Variants in ZDHHC7 observed in about 807,000 individuals in gnomAD.
ZDHHC7 encodes palmitoyltransferase ZDHHC7.
In ZDHHC7, 12 loss-of-function variants were observed where a neutral mutation model predicts 34.1. That is an observed-to-expected ratio of 0.35 (90% CI 0.23 to 0.57). ZDHHC7 has a LOEUF of 0.57. ZDHHC7 is among the 20% of genes least tolerant of loss of function. The pLI is 0.84. For synonymous variants in ZDHHC7, 185 were observed against 155.4 expected, an observed-to-expected ratio of 1.19 and a Z score of -1.42; for missense variants, 388 against 402.7, an observed-to-expected ratio of 0.96 and a Z score of 0.31.
chr16:85,023,594 T>G, the ZDHHC7 span, among the ~76,000 whole-genome samples: 1 of 152,142 alleles, frequency 6.6e-6, no homozygotes, highest in African/African-American at 2.4e-5. Context: ...TAGTTGTATT[T>G]TGGACTCATC....
the ZDHHC7 span, among the ~76,000 whole-genome samples, chr16:85,019,080 C>T: frequency 2.0e-5 from 3 of 152,188 alleles, no homozygotes; most frequent in East Asian, 1.9e-4. Context: ...GAGTGCCAAG[C>T]GTGACCAAGG....
chr16:84,975,290 TC>T lies in ZDHHC7; in HGVS notation c.*1052del, dbSNP rs1332073797. On this transcript the variant is annotated 3_prime_UTR_variant, in exon 8 of 8. Coordinates refer to ENST00000313732, the MANE Select transcript of ZDHHC7 (RefSeq NM_017740.3). ...AGGGGCTGGCTGCCTCATGGTCCCC[TC>T]CCCTTCCCAGAGGTGCCCAATGGCT... 1 of 152,520 alleles carries T rather than the reference TC, an allele frequency of 6.6e-6. No homozygotes were observed. Among genetic ancestry groups the T allele is most frequent in the Non-Finnish European group, 1.5e-5 (1 of 68,052 alleles). The allele number at this position is 152,520 out of a possible 1,614,324, so 9.4% of individuals were successfully genotyped here. A position where few individuals can be genotyped will look rare whatever the true frequency, so the allele number is the denominator to read the frequency against.
chr16:85,026,076 G>C, the ZDHHC7 span, among the ~76,000 whole-genome samples: 3 of 152,190 alleles, frequency 2.0e-5, no homozygotes, highest in Admixed American at 1.3e-4. Flanking sequence ...ACGAAGTCAG[G>C]AGAGGGTCTG....
Position 84,989,814 on chromosome 16 carries a change from C to T in ZDHHC7, c.315+490G>A, listed in dbSNP as rs145080972. 1.2e-4 allele frequency among the ~76,000 whole-genome samples: 18 copies of T among 151,928 alleles called. No individual in the cohort carries two copies. The East Asian group carries it at 3.5e-3, about 29-fold the overall frequency. ...AATTGACAAATTGGGAGTCCCTATA[C>T]CATGGTTTAAAACCACTGTTTTAAA... is the stretch of plus-strand genomic sequence containing the variant. On this transcript the variant is annotated intron_variant, in intron 3 of 7. Transcript: ENST00000313732.
chr16:84,984,523 T>C (rs764623837), intron 3 of ZDHHC7, among the ~76,000 whole-genome samples: 1 of 152,180 alleles, frequency 6.6e-6, no homozygotes, highest in Non-Finnish European at 1.5e-5. Flanking sequence ...GCAGCAAATA[T>C]GATACGATGT....
chr16:85,005,253 C>T (rs9921417), intron 1 of ZDHHC7, among the ~76,000 whole-genome samples: 51,008 of 152,078 alleles, frequency 0.34, 9,525 homozygotes, highest in African/African-American at 0.5. Context: ...TAGAGTTTCC[C>T]TGTTTAATAC....
At chr16:84,987,312 G>A (rs544305484) in intron 3 of ZDHHC7, among the ~76,000 whole-genome samples, 3 of 152,220 alleles carry the variant, frequency 2.0e-5, no homozygotes, top group Non-Finnish European at 4.4e-5. Context: ...GCTCAACATC[G>A]TTGGTCATTA....
chr16:85,013,384 A>G (rs2143779935), upstream of ZDHHC7, among the ~76,000 whole-genome samples: 1 of 152,186 alleles, frequency 6.6e-6, no homozygotes, highest in East Asian at 1.9e-4. Context: ...CTGGAATTAC[A>G]GGGGCCCGCC....
chr16:84,977,300 T>C, intron 6 of ZDHHC7, 75 bp from the exon 7 acceptor site: 1 of 1,574,466 alleles, frequency 6.4e-7, no homozygotes, highest in Non-Finnish European at 8.6e-7. Context: ...CAGAGAAGAA[T>C]CCTCTAGGGC....
Position 84,990,583 on chromosome 16 carries a change from C to T in ZDHHC7, c.36G>A (p.Glu12=). Residue 12 remains glutamate (E), a synonymous_variant, in exon 3 of 8, where the codon GAG becomes GAA. Transcript: ENST00000313732. ...CATTTTCAGCCAGGAGAGGATGATG[C>T]TCGACGTCCCGGAGCCTGTGTCCTG... The part of the protein sequence containing the change: ...QPSGHRLRDV[E]HHPLLAENDN... The T allele has an allele frequency of 6.2e-7, 1 of 1,614,026 alleles. No homozygotes were observed. Among genetic ancestry groups the T allele is most frequent in the Non-Finnish European group, 8.5e-7 (1 of 1,180,036 alleles).
At chr16:84,992,569 G>C (rs1415404747) in intron 2 of ZDHHC7, among the ~76,000 whole-genome samples, 1 of 152,182 alleles carries the variant, frequency 6.6e-6, no homozygotes, top group Non-Finnish European at 1.5e-5. Context: ...TCTGAGAGTT[G>C]TAATATCACA....
chr16:84,979,419 C>G (rs1947088561), intron 4 of ZDHHC7, 134 bp from the exon 5 acceptor site: 1 of 1,279,334 alleles, frequency 7.8e-7, no homozygotes, highest in Admixed American at 3.2e-5. Flanking sequence ...ATCATACATT[C>G]TCACTATATT....
At chr16:85,013,953 G>C (rs960501307), upstream of ZDHHC7, among the ~76,000 whole-genome samples, 1 of 152,196 alleles carries the variant, frequency 6.6e-6, no homozygotes, top group African/African-American at 2.4e-5. Flanking sequence ...CTCCCAAAGT[G>C]CTGGGATTAC....
At chr16:84,989,694 C>CAAAA (rs35823318) in intron 3 of ZDHHC7, among the ~76,000 whole-genome samples, 3,001 of 96,140 alleles carry the variant, frequency 0.031, 71 homozygotes, top group Non-Finnish European at 0.045. Context: ...AACTCCGTCT[C>CAAAA]AAAAAAAAAA....
intron 1 of ZDHHC7, among the ~76,000 whole-genome samples, chr16:84,997,884 G>A (rs1374042036): frequency 7.2e-5 from 9 of 124,622 alleles, no homozygotes; most frequent in African/African-American, 1.9e-4. Flanking sequence ...GCGACAGAGC[G>A]AGACTCCGTC....
At chr16:85,019,364 A>G in the ZDHHC7 span, among the ~76,000 whole-genome samples, 2 of 152,158 alleles carry the variant, frequency 1.3e-5, no homozygotes, top group Admixed American at 6.6e-5. Context: ...GTAGGCACTC[A>G]TGTGAATAGC....
intron 3 of ZDHHC7, among the ~76,000 whole-genome samples, chr16:84,989,694 CA>C (rs35823318): frequency 0.13 from 12,515 of 96,042 alleles, 536 homozygotes; most frequent in African/African-American, 0.21. Context: ...AACTCCGTCT[CA>C]AAAAAAAAAA....
At position 84,975,938 on chromosome 16, in the gene ZDHHC7, T is replaced by TGGC. The variant is rs2143527329; in HGVS notation, c.*402_*404dup. The TGGC allele has an allele frequency of 4.8e-6, 1 of 208,910 alleles. No individual in the cohort carries two copies. The highest frequency in any genetic ancestry group is 9.6e-6 in the Non-Finnish European group (1 of 104,342). The allele number at this position is 208,910 out of a possible 1,614,324, so 12.9% of individuals were successfully genotyped here. The stretch of plus-strand genomic sequence containing the variant: ...GTGATCCGGGGAGTGCACTGCTGAG[T>TGGC]GGCGGGGTCAGCAGGAGCCCCCTGA... On this transcript the variant is annotated 3_prime_UTR_variant, in exon 8 of 8. Coordinates refer to ENST00000313732, the MANE Select transcript of ZDHHC7 (RefSeq NM_017740.3).
chr16:84,976,410 A>C lies in ZDHHC7; in HGVS notation c.860T>G (p.Phe287Cys). ...GPPSLLWMNP[F>C]VGFRFRRLPT... ...CAGTCGCCTAAATCGGAAGCCCACA[A>C]AGGGATTCATCCAGAGGAGTGAGGG... The change falls in exon 8 of 8, where the codon TTT becomes TGT. Residue 287 changes from phenylalanine (F) to cysteine (C), a missense_variant. By Grantham distance (205) the Phe-to-Cys change is radical. Transcript: ENST00000313732. 6.2e-7 allele frequency: 1 copy of C among 1,614,090 alleles called. No individual in the cohort carries two copies. Among genetic ancestry groups the C allele is most frequent in the Non-Finnish European group, 8.5e-7 (1 of 1,180,006 alleles).
Sources: gnomAD v4.1 joint callset for allele counts (sites outside exome capture counted in the v4.1 genomes callset) on GRCh38, gnomAD v4.1.1 for gene constraint, MANE v1.5 for transcripts, NCBI Gene and HGNC (gene_info 2026-07-23, HGNC 2026-07-21) for gene names.